The following ATAD2B variants were observed in gnomAD, a reference collection of about 807,000 sequenced individuals.
ATAD2B encodes the protein ATPase family AAA domain-containing protein 2B.
Under a neutral mutation model 167.6 loss-of-function variants are expected in ATAD2B, and 40 were observed. That is an observed-to-expected ratio of 0.24 (90% CI 0.19 to 0.31). The LOEUF (loss-of-function observed/expected upper bound fraction) is 0.31, where lower values mean the gene tolerates loss of function less well. ATAD2B is among the 10% of genes least tolerant of loss of function. ATAD2B has a pLI of 1.00. For missense variants in ATAD2B, 1,242 were observed against 1,757.2 expected, an observed-to-expected ratio of 0.71 and a Z score of 5.24; for synonymous variants, 579 against 596.5, an observed-to-expected ratio of 0.97 and a Z score of 0.43.
At chr2:23,809,410 A>C (rs1484472536) in intron 18 of ATAD2B, among the ~76,000 whole-genome samples, 1 of 152,186 alleles carries the variant, frequency 6.6e-6, no homozygotes, top group Non-Finnish European at 1.5e-5. Flanking sequence ...TGAACTGTTT[A>C]AAAAATGCAT....
At chr2:23,780,858 C>T (rs114171140) in intron 22 of ATAD2B, among the ~76,000 whole-genome samples, 3,471 of 152,160 alleles carry the variant, frequency 0.023, 142 homozygotes, top group African/African-American at 0.079. Flanking sequence ...GAACCACTAT[C>T]GCGCCACTGC....
At chr2:23,835,282 A>G (rs1689744941) in intron 13 of ATAD2B, among the ~76,000 whole-genome samples, 1 of 152,250 alleles carries the variant, frequency 6.6e-6, no homozygotes. Context: ...CCATCAACTG[A>G]TAAATAGAAT....
intron 6 of ATAD2B, among the ~76,000 whole-genome samples, chr2:23,881,353 ATCAAT>A (rs201684566): frequency 5.1e-4 from 70 of 138,346 alleles, no homozygotes; most frequent in South Asian, 7.0e-4. Context: ...GACATGAGTG[ATCAAT>A]TCTTTTTTTT....
the ATAD2B span, chr2:23,703,583 G>A: frequency 2.1e-5 from 25 of 1,204,662 alleles, no homozygotes; most frequent in Admixed American, 2.8e-5. Context: ...CCTAGGCCCC[G>A]GACCCATCCC....
chr2:23,875,021 A>T (rs1161471701), intron 8 of ATAD2B, among the ~76,000 whole-genome samples: 1 of 144,280 alleles, frequency 6.9e-6, no homozygotes, highest in Non-Finnish European at 1.5e-5. Context: ...GCCCCACTGC[A>T]CTCCAGCCTG....
In ATAD2B at chr2:23,885,972, T is replaced by C. The variant is rs893649963; in HGVS notation, c.573-143A>G. ...TCTTTTTTGTTTTTTTTAGATAGAG[T>C]GTCCCTCTGTCACCCAGGCTGGAGT... On this transcript the variant is annotated intron_variant, in intron 4 of 27. Transcript: ENST00000238789. 5 of 535,488 alleles carry C rather than the reference T, an allele frequency of 9.3e-6. No homozygotes were observed. The African/African-American group carries it at 9.8e-5, about 11-fold the overall frequency. The allele number at this position is 535,488 out of a possible 1,614,324, so 33.2% of individuals were successfully genotyped here. A position where few individuals can be genotyped will look rare whatever the true frequency, so the allele number is the denominator to read the frequency against.
At chr2:23,777,707 G>A (rs1470097911) in intron 22 of ATAD2B, among the ~76,000 whole-genome samples, 13 of 152,052 alleles carry the variant, frequency 8.5e-5, no homozygotes, top group Admixed American at 7.9e-4. Flanking sequence ...ATATGAATAG[G>A]CCTGGGGGAT....
At chr2:23,911,138 T>A (rs148635267) in intron 1 of ATAD2B, among the ~76,000 whole-genome samples, 223 of 150,932 alleles carry the variant, frequency 1.5e-3, no homozygotes, top group Admixed American at 2.9e-3. Flanking sequence ...GGAGAACTGC[T>A]TGAACCCAGG....
chr2:23,810,275 A>T, intron 18 of ATAD2B, 41 bp downstream of exon 18: 1 of 1,531,440 alleles, frequency 6.5e-7, no homozygotes, highest in Non-Finnish European at 9.0e-7. Context: ...AATTATAAGC[A>T]ATAAGAAAGT....
chr2:23,727,245 G>A, the ATAD2B span, among the ~76,000 whole-genome samples: 19 of 152,098 alleles, frequency 1.2e-4, no homozygotes, highest in East Asian at 3.9e-4. Flanking sequence ...CTCAACAAGC[G>A]TCACAATTTA....
At chr2:23,915,342 T>C (rs1384726954) in intron 1 of ATAD2B, among the ~76,000 whole-genome samples, 2 of 151,886 alleles carry the variant, frequency 1.3e-5, no homozygotes, top group African/African-American at 4.8e-5. Flanking sequence ...AAACTGTGCA[T>C]GTGCCAGACA....
Position 23,765,576 on chromosome 2 carries a change from G to A in ATAD2B, c.3186C>T (p.Ile1062=). The A allele has an allele frequency of 5.7e-6, 9 of 1,567,998 alleles. No homozygotes were observed. Among genetic ancestry groups the A allele is most frequent in the Non-Finnish European group, 6.9e-6 (8 of 1,151,650 alleles). The stretch of plus-strand genomic sequence containing the variant: ...ATTCTGGATCTAATTCAGCTGCAAT[G>A]ATAGCATGTGCAGTGTCCTTCAGGG... ...ACTLKDTAHA[I]IAAELDPEFN... The change falls in exon 23 of 28, where the codon ATC becomes ATT. Residue 1062 remains isoleucine (I), a synonymous_variant. Transcript: ENST00000238789.
At chr2:23,785,402 A>C (rs1321066838) in intron 21 of ATAD2B, among the ~76,000 whole-genome samples, 1 of 152,164 alleles carries the variant, frequency 6.6e-6, no homozygotes, top group African/African-American at 2.4e-5. Flanking sequence ...TGATAGTATT[A>C]GATTCCCAAA....
chr2:23,752,209 AT>A, intron 27 of ATAD2B, 122 bp from the exon 28 acceptor site: 1 of 704,388 alleles, frequency 1.4e-6, no homozygotes, highest in Non-Finnish European at 2.5e-6. Flanking sequence ...AACTTTGAAT[AT>A]TTTCCTGATT....
intron 17 of ATAD2B, among the ~76,000 whole-genome samples, chr2:23,818,575 T>C (rs1350644528): frequency 6.6e-6 from 1 of 152,072 alleles, no homozygotes. Flanking sequence ...TTTTTAAAAA[T>C]GAAAAACAAG....
At chr2:23,809,718 A>T (rs1685255106) in intron 18 of ATAD2B, among the ~76,000 whole-genome samples, 1 of 152,192 alleles carries the variant, frequency 6.6e-6, no homozygotes, top group African/African-American at 2.4e-5. Flanking sequence ...TGGCTCAAAA[A>T]ATGTATTAAC....
chr2:23,755,663 CG>C (rs1675865943), intron 25 of ATAD2B, among the ~76,000 whole-genome samples: 1 of 152,104 alleles, frequency 6.6e-6, no homozygotes, highest in Non-Finnish European at 1.5e-5. Flanking sequence ...TGCAGGGACC[CG>C]CCTCCATCCT....
the ATAD2B span, among the ~76,000 whole-genome samples, chr2:23,687,326 C>T: frequency 6.6e-6 from 1 of 152,218 alleles, no homozygotes; most frequent in Non-Finnish European, 1.5e-5. Context: ...AGACTAGACT[C>T]CCACCACCAG....
At chr2:23,920,323 A>G (rs990970776) in intron 1 of ATAD2B, among the ~76,000 whole-genome samples, 4 of 152,236 alleles carry the variant, frequency 2.6e-5, no homozygotes, top group Non-Finnish European at 5.9e-5. Flanking sequence ...CTAAGTATCC[A>G]TGCCATTCAT....
Sources: gnomAD v4.1 joint callset for allele counts (sites outside exome capture counted in the v4.1 genomes callset) on GRCh38, gnomAD v4.1.1 for gene constraint, MANE v1.5 for transcripts, NCBI Gene and HGNC (gene_info 2026-07-23, HGNC 2026-07-21) for gene names.